Variants in YAF2 observed in about 807,000 individuals in gnomAD.
YAF2 encodes the protein YY1-associated factor 2.
A neutral mutation model predicts 20.1 loss-of-function variants in YAF2; 7 were observed. The ratio of observed to expected loss-of-function variants is 0.35; its 90% CI spans 0.20 to 0.65. YAF2 has a LOEUF of 0.65. YAF2 is among the 30% of genes least tolerant of loss of function. The pLI, the probability that YAF2 is intolerant of heterozygous loss-of-function variation, is 0.69. For synonymous variants in YAF2, 74 were observed against 76.0 expected, an observed-to-expected ratio of 0.97 and a Z score of 0.14; for missense variants, 151 against 219.2, an observed-to-expected ratio of 0.69 and a Z score of 1.96.
intron 2 of YAF2, among the ~76,000 whole-genome samples, chr12:42,192,851 A>T (rs1299199826): frequency 6.6e-6 from 1 of 152,244 alleles, no homozygotes; most frequent in African/African-American, 2.4e-5. Flanking sequence ...TCGCATAACA[A>T]CATTTTGGTC....
At chr12:42,226,911 G>C (rs568973527) in intron 2 of YAF2, among the ~76,000 whole-genome samples, 1 of 150,404 alleles carries the variant, frequency 6.6e-6, no homozygotes, top group Admixed American at 6.6e-5. Context: ...CGGTGGCTTA[G>C]GGAGCCCGTC....
At position 42,214,861 on chromosome 12, in the gene YAF2, A is replaced by G. The variant is rs2067309332; in HGVS notation, c.152+22738T>C. ...TCTACTAAAAATATGGAAATTAACC[A>G]GGCGTGGTGGCAGGCGCCTGCGGTC... is the stretch of plus-strand genomic sequence containing the variant. On this transcript the variant is annotated intron_variant, in intron 2 of 3. Coordinates refer to ENST00000534854, the MANE Select transcript of YAF2 (RefSeq NM_005748.6). 2.0e-5 allele frequency among the ~76,000 whole-genome samples: 3 copies of G among 151,914 alleles called. No individual in the cohort carries two copies. In the South Asian group the frequency reaches 6.2e-4, roughly 32 times the overall value.
In YAF2 at chr12:42,165,407, A is replaced by G. The variant is rs1281390075; in HGVS notation, c.153-3642T>C. Among the ~76,000 whole-genome samples the G allele has an allele frequency of 2.0e-5, 3 of 152,332 alleles. No individual in the cohort carries two copies. In the South Asian group the frequency reaches 6.2e-4, roughly 32 times the overall value. ...GAGAGTAAACCCAATTTCTTATTCT[A>G]TAATAACTTGGTTTTAAAGTTATCT... On this transcript the variant is annotated intron_variant, in intron 2 of 3. Coordinates refer to ENST00000534854, the MANE Select transcript of YAF2 (RefSeq NM_005748.6).
chr12:42,216,607 ATTCCCTC>A (rs767992835), intron 2 of YAF2, among the ~76,000 whole-genome samples: 36 of 151,972 alleles, frequency 2.4e-4, no homozygotes, highest in Non-Finnish European at 4.6e-4. Context: ...TAGGCAATCT[ATTCCCTC>A]CCTGATCTGT....
At chr12:42,233,876 G>A in intron 2 of YAF2, 1 of 985,306 alleles carries the variant, frequency 1.0e-6, no homozygotes. Context: ...TGCCTTATAA[G>A]AATCTTCAGA....
intron 2 of YAF2, among the ~76,000 whole-genome samples, chr12:42,181,101 G>A (rs1469791027): frequency 2.0e-5 from 3 of 152,154 alleles, no homozygotes; most frequent in African/African-American, 7.2e-5. Context: ...AATTCACACT[G>A]GACTGCAACA....
chr12:42,174,115 AACT>A (rs1243146153), intron 2 of YAF2, among the ~76,000 whole-genome samples: 2 of 151,904 alleles, frequency 1.3e-5, no homozygotes, highest in Admixed American at 6.6e-5. Context: ...AAAAAAAAAA[AACT>A]CTTTCCTGAG....
Position 42,238,243 on chromosome 12 carries a change from G to A in YAF2, c.-63C>T, listed in dbSNP as rs1346380179. 3.8e-6 allele frequency: 4 copies of A among 1,058,354 alleles called. No individual in the cohort carries two copies. Among genetic ancestry groups the A allele is most frequent in the Non-Finnish European group, 4.9e-6 (4 of 815,780 alleles). 65.6% of individuals were successfully genotyped at this position (1,058,354 alleles called of 1,614,324 possible). ...GACCGCTCTGTTTGTCAATAAGGAGGATAATAAGCCGGGCGGAAGCGGGCG... is the reference window on the plus strand; with the variant it reads ...GACCGCTCTGTTTGTCAATAAGGAGAATAATAAGCCGGGCGGAAGCGGGCG... On this transcript the variant is annotated 5_prime_UTR_variant, in exon 1 of 4. Transcript: ENST00000534854.
chr12:42,235,509 G>A, intron 2 of YAF2: 2 of 1,282,766 alleles, frequency 1.6e-6, no homozygotes, highest in Non-Finnish European at 2.0e-6. Flanking sequence ...ACAGATAACA[G>A]AGAAATTAGA....
intron 2 of YAF2, among the ~76,000 whole-genome samples, chr12:42,213,268 T>C (rs555912874): frequency 2.3e-4 from 35 of 152,324 alleles, no homozygotes; most frequent in Admixed American, 2.2e-3. Flanking sequence ...GTGAGTTAAC[T>C]TGGAAGCAGG....
intron 2 of YAF2, among the ~76,000 whole-genome samples, chr12:42,224,561 T>G (rs1351438936): frequency 4.0e-5 from 6 of 151,588 alleles, no homozygotes; most frequent in African/African-American, 1.5e-4. Flanking sequence ...CCGTGTGTGA[T>G]GTTCCCCTCC....
intron 2 of YAF2, among the ~76,000 whole-genome samples, chr12:42,176,076 G>A (rs368786630): frequency 2.4e-4 from 36 of 151,964 alleles, no homozygotes; most frequent in African/African-American, 6.5e-4. Flanking sequence ...GCGAAACTCC[G>A]TCTCTACTAA....
intron 2 of YAF2, among the ~76,000 whole-genome samples, chr12:42,169,873 CCTT>C (rs1220195802): frequency 6.6e-6 from 1 of 150,470 alleles, no homozygotes; most frequent in Non-Finnish European, 1.5e-5. Flanking sequence ...CTCTCTCTCT[CCTT>C]TCTTTTTTTT....
At chr12:42,219,258 C>T (rs1175582716) in intron 2 of YAF2, among the ~76,000 whole-genome samples, 1 of 152,192 alleles carries the variant, frequency 6.6e-6, no homozygotes, top group Non-Finnish European at 1.5e-5. Flanking sequence ...TCCTGAGGGA[C>T]AGCCAGGTCT....
intron 2 of YAF2, among the ~76,000 whole-genome samples, chr12:42,218,468 T>C (rs577383785): frequency 6.6e-6 from 1 of 152,320 alleles, no homozygotes; most frequent in South Asian, 2.1e-4. Context: ...AAGTGGCCTA[T>C]GAATTGTTGT....
rs189096731 is a variant in YAF2 at position 42,229,501 on chromosome 12, C to T, written c.152+8098G>A. On this transcript the variant is annotated intron_variant, in intron 2 of 3. Transcript: ENST00000534854. ...TCTGGGAATACCAAAGTGAATAAGA[C>T]GGTCTCTGCCCTGTAGGGCAGATAA... 4.4e-3 allele frequency among the ~76,000 whole-genome samples: 659 copies of T among 151,448 alleles called. 3 individuals carry two copies. Among genetic ancestry groups the T allele is most frequent in the Admixed American group, 0.01 (155 of 15,234 alleles).
intron 2 of YAF2, among the ~76,000 whole-genome samples, chr12:42,219,713 T>A (rs2067459435): frequency 6.6e-6 from 1 of 152,148 alleles, no homozygotes; most frequent in Admixed American, 6.6e-5. Context: ...CCCGTCCACC[T>A]CATTATCTTA....
chr12:42,187,320 C>T (rs984214087), intron 2 of YAF2, among the ~76,000 whole-genome samples: 7 of 152,014 alleles, frequency 4.6e-5, no homozygotes, highest in Admixed American at 2.6e-4. Context: ...CCATGCCCAG[C>T]CAATTTTTAA....
At position 42,178,370 on chromosome 12, in the gene YAF2, G is replaced by A. The variant is rs73127453; in HGVS notation, c.153-16605C>T. On this transcript the variant is annotated intron_variant, in intron 2 of 3. Coordinates refer to ENST00000534854, the MANE Select transcript of YAF2 (RefSeq NM_005748.6). ...TCAAATCTCCTGGGCTGCTCCTATTGTGCAGTCAATGGCCTATAAAACAAG... is the reference window on the plus strand; with the variant it reads ...TCAAATCTCCTGGGCTGCTCCTATTATGCAGTCAATGGCCTATAAAACAAG... Among the ~76,000 whole-genome samples, 1,327 of 152,126 alleles carry A rather than the reference G, an allele frequency of 8.7e-3. 7 individuals carry two copies. Among genetic ancestry groups the A allele is most frequent in the Middle Eastern group, 0.014 (4 of 294 alleles).
Sources: allele counts gnomAD v4.1 joint callset (sites outside exome capture counted in the v4.1 genomes callset), GRCh38; gene constraint gnomAD v4.1.1; transcripts MANE v1.5; gene names NCBI Gene and HGNC (gene_info 2026-07-23, HGNC 2026-07-21).